The following NELL2 variants were observed in gnomAD, a reference collection of about 807,000 sequenced individuals.
The protein encoded by NELL2 is neural EGFL like 2, also known as protein kinase C-binding protein NELL2.
A neutral mutation model predicts 109.6 loss-of-function variants in NELL2; 41 were observed. The observed-to-expected ratio is 0.37, with a 90% CI of 0.29 to 0.49. The LOEUF is 0.49. Ranked by LOEUF, NELL2 falls within the 20% of genes least tolerant of loss-of-function variation. The pLI is 0.98. For missense variants in NELL2, 900 were observed against 1,008.3 expected, an observed-to-expected ratio of 0.89 and a Z score of 1.45; for synonymous variants, 355 against 344.7, an observed-to-expected ratio of 1.03 and a Z score of -0.33.
At chr12:44,741,864 G>C (rs983910700) in intron 9 of NELL2, among the ~76,000 whole-genome samples, 2 of 152,258 alleles carry the variant, frequency 1.3e-5, no homozygotes, top group Admixed American at 1.3e-4. Context: ...GTCTGCCTCT[G>C]TAGGCTCCAC....
At chr12:44,815,744 G>C (rs76351592) in intron 3 of NELL2, among the ~76,000 whole-genome samples, 1 of 151,142 alleles carries the variant, frequency 6.6e-6, no homozygotes, top group African/African-American at 2.4e-5. Context: ...TCAGCCACTC[G>C]AGTAGCTGGG....
intron 3 of NELL2, among the ~76,000 whole-genome samples, chr12:44,789,764 T>C (rs192986189): frequency 6.6e-6 from 1 of 152,006 alleles, no homozygotes; most frequent in East Asian, 1.9e-4. Context: ...AGGAAATAGA[T>C]AGCATAAAGA....
rs530251488 is a variant in NELL2, at chr12:44,765,958, A to G, written c.994+8789T>C. ...AAAATGGCCAAACCCCATCTCTACT[A>G]AAAGTACATAAATTAGCTGAGCATG... On this transcript the variant is annotated intron_variant, in intron 9 of 19. Transcript: ENST00000429094. 1.8e-3 allele frequency among the ~76,000 whole-genome samples: 274 copies of G among 152,242 alleles called. 2 individuals are homozygous for G. Among genetic ancestry groups the G allele is most frequent in the African/African-American group, 6.0e-3 (249 of 41,550 alleles).
rs139457737 is a variant in NELL2, at chr12:44,790,499, T to G, written c.336-10477A>C. 4.5e-3 allele frequency among the ~76,000 whole-genome samples: 687 copies of G among 152,094 alleles called. 5 individuals are homozygous for G. Among genetic ancestry groups the G allele is most frequent in the Middle Eastern group, 0.021 (6 of 292 alleles). ...GAGCTCTAAATTTTGAAACAAATACTGGAAACACATCAAAACAGAACCTCT... is the reference window on the plus strand; with the variant it reads ...GAGCTCTAAATTTTGAAACAAATACGGGAAACACATCAAAACAGAACCTCT... On this transcript the variant is annotated intron_variant, in intron 3 of 19. Transcript: ENST00000429094.
chr12:44,824,078 G>T (rs570809959), intron 2 of NELL2, among the ~76,000 whole-genome samples: 2 of 152,002 alleles, frequency 1.3e-5, no homozygotes, highest in African/African-American at 4.8e-5. Flanking sequence ...TTTTTAATCA[G>T]GTTATTTGTT....
chr12:44,575,248 C>T (rs1301047410), intron 15 of NELL2, among the ~76,000 whole-genome samples: 4 of 152,214 alleles, frequency 2.6e-5, no homozygotes, highest in Non-Finnish European at 5.9e-5. Context: ...CTATTAGCTG[C>T]TATACTTAAT....
chr12:44,771,205 T>C (rs1172233112), intron 9 of NELL2, among the ~76,000 whole-genome samples: 3 of 152,112 alleles, frequency 2.0e-5, no homozygotes, highest in Non-Finnish European at 4.4e-5. Context: ...GAGGAGATGG[T>C]GACTGAAAGG....
At chr12:44,737,137 T>G (rs557695395) in intron 9 of NELL2, among the ~76,000 whole-genome samples, 1 of 152,214 alleles carries the variant, frequency 6.6e-6, no homozygotes, top group African/African-American at 2.4e-5. Flanking sequence ...ACATACTATA[T>G]TAAAATTGGT....
intron 1 of NELL2, 171 bp from the exon 2 acceptor site, chr12:44,875,524 G>A (rs1275533559): frequency 1.9e-6 from 3 of 1,613,924 alleles, no homozygotes; most frequent in Admixed American, 1.7e-5. Flanking sequence ...CAGCAGCCAA[G>A]CTTTAAATAG....
At chr12:44,897,875 T>A (rs1945612840) in intron 1 of NELL2, among the ~76,000 whole-genome samples, 1 of 151,970 alleles carries the variant, frequency 6.6e-6, no homozygotes, top group African/African-American at 2.4e-5. Context: ...GGCTTGAAAG[T>A]CTTGCTGCCA....
Position 44,520,011 on chromosome 12 carries a change from C to T in NELL2, c.2394G>A (p.Gln798=), listed in dbSNP as rs1295637801. The change falls in exon 19 of 20, where the codon CAG becomes CAA. Residue 798 remains glutamine (Q), a synonymous_variant. Coordinates refer to ENST00000429094, the MANE Select transcript of NELL2 (RefSeq NM_001145108.2). ...IKHGTECTLC[Q]CKNGHICCSV... is the part of the protein sequence containing the mutation. ...TAAATTTAATGGAGTTTACCTTGCA[C>T]TGGCAGAGAGTACACTCAGTGCCAT... 1.2e-6 allele frequency: 2 copies of T among 1,613,008 alleles called. No individual in the cohort carries two copies. Among genetic ancestry groups the T allele is most frequent in the South Asian group, 2.2e-5 (2 of 91,060 alleles).
intron 3 of NELL2, among the ~76,000 whole-genome samples, chr12:44,791,104 T>TATAC (rs2136629340): frequency 3.9e-5 from 1 of 25,734 alleles, no homozygotes; most frequent in Admixed American, 3.9e-4. Context: ...TATGTATATA[T>TATAC]ATATGTATAT....
chr12:44,816,837 T>C (rs1943368320), intron 2 of NELL2, among the ~76,000 whole-genome samples: 1 of 152,204 alleles, frequency 6.6e-6, no homozygotes, highest in Admixed American at 6.5e-5. Context: ...CTTCCGCATG[T>C]TTTAGCCTTG....
chr12:44,877,584 G>A (rs1431100306), upstream of NELL2, among the ~76,000 whole-genome samples: 1 of 152,150 alleles, frequency 6.6e-6, no homozygotes, highest in Non-Finnish European at 1.5e-5. Flanking sequence ...TGAGCCCCCT[G>A]CAAGGCAGGA....
chr12:44,812,280 G>A (rs946094038), intron 3 of NELL2, among the ~76,000 whole-genome samples: 1 of 152,104 alleles, frequency 6.6e-6, no homozygotes, highest in African/African-American at 2.4e-5. Flanking sequence ...GGGCAGTGTT[G>A]CTTCAAAGAC....
At chr12:44,874,447 T>C (rs965548577) in intron 2 of NELL2, among the ~76,000 whole-genome samples, 24 of 152,210 alleles carry the variant, frequency 1.6e-4, no homozygotes, top group Admixed American at 1.4e-3. Flanking sequence ...TCAAAAGCTC[T>C]AATCAAAGTT....
At chr12:44,526,958 G>T (rs535317414) in intron 16 of NELL2, among the ~76,000 whole-genome samples, 1 of 152,100 alleles carries the variant, frequency 6.6e-6, no homozygotes, top group Non-Finnish European at 1.5e-5. Context: ...TTCAAACTTC[G>T]TAGTACGGTA....
chr12:44,846,817 A>C (rs1199961947), intron 2 of NELL2, among the ~76,000 whole-genome samples: 1 of 152,194 alleles, frequency 6.6e-6, no homozygotes, highest in African/African-American at 2.4e-5. Context: ...TTTCCATTTG[A>C]GCTCTCTATG....
At chr12:44,668,337 CAG>C (rs1290235876) in intron 12 of NELL2, among the ~76,000 whole-genome samples, 2 of 152,170 alleles carry the variant, frequency 1.3e-5, no homozygotes, top group Admixed American at 6.5e-5. Context: ...TCTCCAGCAG[CAG>C]GGCTACCATG....
Sources: allele counts gnomAD v4.1 joint callset (sites outside exome capture counted in the v4.1 genomes callset), GRCh38; gene constraint gnomAD v4.1.1; transcripts MANE v1.5; gene names NCBI Gene and HGNC (gene_info 2026-07-23, HGNC 2026-07-21).